Variants in CADPS2 observed in about 807,000 individuals in gnomAD.
The protein encoded by CADPS2 is calcium-dependent secretion activator 2.
CADPS2 carries 93 observed loss-of-function variants against 172.5 expected under a neutral mutation model. The observed-to-expected ratio is 0.54, with a 90% CI of 0.46 to 0.64. The LOEUF is 0.64. CADPS2 is among the 30% of genes least tolerant of loss of function. The pLI, the probability that CADPS2 is intolerant of heterozygous loss-of-function variation, is 0.00. For missense variants in CADPS2, 1,420 were observed against 1,565.9 expected (o/e 0.91, Z 1.57); for synonymous variants, 546 against 555.2 (o/e 0.98, Z 0.23).
chr7:122,591,434 G>A (rs1378740699), intron 6 of CADPS2, among the ~76,000 whole-genome samples: 2 of 152,048 alleles, frequency 1.3e-5, no homozygotes, highest in Non-Finnish European at 2.9e-5. Context: ...TAGATTCAAT[G>A]TCATCCCCAT....
intron 19 of CADPS2, among the ~76,000 whole-genome samples, chr7:122,408,113 A>T (rs1027504442): frequency 6.6e-6 from 1 of 151,520 alleles, no homozygotes; most frequent in Non-Finnish European, 1.5e-5. Context: ...ATTACACTTT[A>T]TAAGATTTTC....
intron 9 of CADPS2, among the ~76,000 whole-genome samples, chr7:122,502,979 A>C (rs1004982889): frequency 6.6e-6 from 1 of 152,090 alleles, no homozygotes; most frequent in Admixed American, 6.6e-5. Context: ...ATTTCATAAG[A>C]ATATCTTGCT....
chr7:122,852,048 G>T (rs576214477), intron 1 of CADPS2, among the ~76,000 whole-genome samples: 1 of 152,196 alleles, frequency 6.6e-6, no homozygotes, highest in Non-Finnish European at 1.5e-5. Flanking sequence ...CGGCAGAACT[G>T]TAATTTGAAT....
intron 25 of CADPS2, among the ~76,000 whole-genome samples, chr7:122,375,767 T>C (rs560980467): frequency 6.6e-6 from 1 of 152,044 alleles, no homozygotes; most frequent in South Asian, 2.1e-4. Flanking sequence ...AATGAGATTA[T>C]ATCAAGTAAA....
At chr7:122,422,683 G>A (rs1225530465) in intron 17 of CADPS2, among the ~76,000 whole-genome samples, 1 of 151,890 alleles carries the variant, frequency 6.6e-6, no homozygotes, top group Non-Finnish European at 1.5e-5. Context: ...GGCCAGGCAC[G>A]GTGGCTCATG....
chr7:122,663,808 T>C (rs1346680404), intron 2 of CADPS2, among the ~76,000 whole-genome samples: 2 of 152,200 alleles, frequency 1.3e-5, no homozygotes, highest in African/African-American at 4.8e-5. Flanking sequence ...ACCAGTAAGA[T>C]GGTTTACTTT....
At chr7:122,727,708 A>C (rs536148727) in intron 2 of CADPS2, among the ~76,000 whole-genome samples, 2 of 152,076 alleles carry the variant, frequency 1.3e-5, no homozygotes, top group African/African-American at 4.8e-5. Flanking sequence ...GCCATCAAGA[A>C]TGCAGGCAAC....
At chr7:122,638,475 G>C (rs139310733) in intron 3 of CADPS2, among the ~76,000 whole-genome samples, 1 of 152,118 alleles carries the variant, frequency 6.6e-6, no homozygotes, top group East Asian at 1.9e-4. Context: ...GGGTTTAGCA[G>C]GTTTTCTGTC....
chr7:122,445,244 A>G (rs1319598092), intron 15 of CADPS2, among the ~76,000 whole-genome samples: 1 of 152,172 alleles, frequency 6.6e-6, no homozygotes, highest in Non-Finnish European at 1.5e-5. Flanking sequence ...AAAAACAATC[A>G]TACTGGGATT....
Position 122,540,011 on chromosome 7 carries a change from CTT to C in CADPS2, c.1475+14537_1475+14538del, listed in dbSNP as rs1440729139. Among the ~76,000 whole-genome samples, 38 of 151,892 alleles carry C rather than the reference CTT, an allele frequency of 2.5e-4. No homozygotes were observed. In the East Asian group the frequency reaches 2.7e-3, roughly 11 times the overall value. Reference sequence around the variant, plus strand: ...ACATTTTATATTTAATATATTTACTCTTTTGTGTTAAGTTTACTGTTTAAGCT... The same window carrying C: ...ACATTTTATATTTAATATATTTACTCTTGTGTTAAGTTTACTGTTTAAGCT... On this transcript the variant is annotated intron_variant, in intron 8 of 29. Coordinates refer to ENST00000449022, the MANE Select transcript of CADPS2 (RefSeq NM_017954.11).
chr7:122,753,662 C>A (rs1467764797), intron 1 of CADPS2, among the ~76,000 whole-genome samples: 2 of 152,144 alleles, frequency 1.3e-5, no homozygotes, highest in Non-Finnish European at 2.9e-5. Flanking sequence ...GTAAAATTTT[C>A]TTTTCCTATG....
intron 22 of CADPS2, among the ~76,000 whole-genome samples, chr7:122,389,365 G>A (rs1339726001): frequency 1.3e-5 from 2 of 151,872 alleles, no homozygotes; most frequent in African/African-American, 4.8e-5. Flanking sequence ...TGACATTCAG[G>A]GTGCTCTGAA....
chr7:122,346,904 G>T (rs1453331889), intron 27 of CADPS2, among the ~76,000 whole-genome samples: 2 of 152,146 alleles, frequency 1.3e-5, no homozygotes, highest in Non-Finnish European at 2.9e-5. Flanking sequence ...CCTGGGCTTG[G>T]TTCCTAATCT....
chr7:122,387,295 G>A, intron 23 of CADPS2, 122 bp from the exon 24 acceptor site: 2 of 955,248 alleles, frequency 2.1e-6, no homozygotes, highest in Admixed American at 5.3e-5. Flanking sequence ...AGTAAGCAGT[G>A]TGGCAGTGCT....
chr7:122,644,236 T>G (rs1464338161), intron 3 of CADPS2, among the ~76,000 whole-genome samples: 1 of 152,240 alleles, frequency 6.6e-6, no homozygotes. Context: ...CAATCTACCT[T>G]TCTAGCCTCT....
At chr7:122,681,787 A>T (rs2083079525) in intron 2 of CADPS2, 3 of 500,158 alleles carry the variant, frequency 6.0e-6, no homozygotes, top group Non-Finnish European at 1.0e-5. Flanking sequence ...AAATAAATAA[A>T]AATAAAAATA....
chr7:122,539,012 T>G (rs569838315), intron 8 of CADPS2, among the ~76,000 whole-genome samples: 1 of 152,260 alleles, frequency 6.6e-6, no homozygotes, highest in East Asian at 1.9e-4. Context: ...TAAATATCTA[T>G]AGCACAAAAC....
At chr7:122,376,678 A>G (rs1310984665) in intron 25 of CADPS2, among the ~76,000 whole-genome samples, 5 of 152,122 alleles carry the variant, frequency 3.3e-5, no homozygotes, top group African/African-American at 4.8e-5. Flanking sequence ...AAACAACACT[A>G]TTTGCTAAGA....
At chr7:122,355,851 C>T (rs1411452579) in intron 27 of CADPS2, among the ~76,000 whole-genome samples, 2 of 152,166 alleles carry the variant, frequency 1.3e-5, no homozygotes, top group Admixed American at 6.6e-5. Context: ...CATACAGTTT[C>T]AAGGGCACAT....
Sources: allele counts gnomAD v4.1 joint callset (sites outside exome capture counted in the v4.1 genomes callset), GRCh38; gene constraint gnomAD v4.1.1; transcripts MANE v1.5; gene names NCBI Gene and HGNC (gene_info 2026-07-23, HGNC 2026-07-21).